Variants in FIGN observed in about 807,000 individuals in gnomAD.
FIGN encodes fidgetin.
Under a neutral mutation model 51.3 loss-of-function variants are expected in FIGN, and 11 were observed. That is an observed-to-expected ratio of 0.21 (90% CI 0.13 to 0.35). FIGN has a LOEUF of 0.35. FIGN is among the 10% of genes least tolerant of loss of function. The probability of loss-of-function intolerance (pLI) is 1.00; values close to 1 mark genes in which losing one functional copy is unlikely to be tolerated. For synonymous variants in FIGN, 407 were observed against 363.2 expected, an observed-to-expected ratio of 1.12 and a Z score of -1.37; for missense variants, 857 against 943.6, an observed-to-expected ratio of 0.91 and a Z score of 1.20.
chr2:163,673,012 G>A (rs191521219), intron 2 of FIGN, among the ~76,000 whole-genome samples: 1 of 152,244 alleles, frequency 6.6e-6, no homozygotes, highest in East Asian at 1.9e-4. Context: ...TAATGCCAGT[G>A]CATATCTCGT....
chr2:163,649,248 C>T (rs959655066), intron 2 of FIGN, among the ~76,000 whole-genome samples: 2 of 152,164 alleles, frequency 1.3e-5, no homozygotes, highest in Non-Finnish European at 2.9e-5. Flanking sequence ...CAAATGGCCT[C>T]CAATGAGCCA....
chr2:163,660,107 A>T (rs1437826559), intron 2 of FIGN, among the ~76,000 whole-genome samples: 1 of 151,910 alleles, frequency 6.6e-6, no homozygotes, highest in East Asian at 1.9e-4. Flanking sequence ...TCTCAAAAAA[A>T]TAAAAAAAAA....
chr2:163,728,583 C>T (rs1181179922), intron 2 of FIGN, among the ~76,000 whole-genome samples: 1 of 152,046 alleles, frequency 6.6e-6, no homozygotes, highest in East Asian at 1.9e-4. Context: ...GTTCATTTCC[C>T]ATCAGTTTTC....
chr2:163,658,305 G>T (rs1484314486), intron 2 of FIGN, among the ~76,000 whole-genome samples: 1 of 151,084 alleles, frequency 6.6e-6, no homozygotes, highest in Non-Finnish European at 1.5e-5. Flanking sequence ...TGGCCTCCGG[G>T]GCACATGGGC....
At chr2:163,671,777 C>T (rs773941425) in intron 2 of FIGN, among the ~76,000 whole-genome samples, 5 of 152,106 alleles carry the variant, frequency 3.3e-5, no homozygotes, top group Non-Finnish European at 5.9e-5. Flanking sequence ...GCTTCTGATT[C>T]ACATTAAAAA....
chr2:163,609,238 G>C lies in FIGN; in HGVS notation c.*314C>G, dbSNP rs546169730. Reference sequence around the variant, plus strand: ...ACTAAATCTCGAGAACAGCAGAATGGAATCAACACACGAGGTTCATGTCCT... The same window carrying C: ...ACTAAATCTCGAGAACAGCAGAATGCAATCAACACACGAGGTTCATGTCCT... On this transcript the variant is annotated 3_prime_UTR_variant, in exon 3 of 3. Transcript: ENST00000333129. 70 of 287,700 alleles carry C rather than the reference G, an allele frequency of 2.4e-4. No individual in the cohort carries two copies. The highest frequency in any genetic ancestry group is 2.1e-3 in the Middle Eastern group (2 of 964). 17.8% of individuals were successfully genotyped at this position (287,700 alleles called of 1,614,324 possible). A position where few individuals can be genotyped will look rare whatever the true frequency, so the allele number is the denominator to read the frequency against.
At chr2:163,644,241 GAC>G (rs1389520771) in intron 2 of FIGN, among the ~76,000 whole-genome samples, 1 of 152,040 alleles carries the variant, frequency 6.6e-6, no homozygotes, top group African/African-American at 2.4e-5. Flanking sequence ...ATTTTAAAAA[GAC>G]AAATACCCCA....
At chr2:163,704,570 T>TATTAAGGACAAAG (rs1276673004) in intron 2 of FIGN, among the ~76,000 whole-genome samples, 1 of 151,146 alleles carries the variant, frequency 6.6e-6, no homozygotes, top group African/African-American at 2.4e-5. Flanking sequence ...TAGTATCTTT[T>TATTAAGGACAAAG]TGCCTTAATA....
At chr2:163,696,526 G>A (rs1361434161) in intron 2 of FIGN, among the ~76,000 whole-genome samples, 1 of 152,146 alleles carries the variant, frequency 6.6e-6, no homozygotes, top group African/African-American at 2.4e-5. Flanking sequence ...TATTCTCAGA[G>A]CACTTTGTGG....
At chr2:163,654,501 A>G (rs1179254420) in intron 2 of FIGN, among the ~76,000 whole-genome samples, 1 of 152,018 alleles carries the variant, frequency 6.6e-6, no homozygotes. Context: ...GGTAGTTGGA[A>G]CTCTGATCCC....
chr2:163,710,729 C>A (rs1684575295), intron 2 of FIGN, among the ~76,000 whole-genome samples: 1 of 151,956 alleles, frequency 6.6e-6, no homozygotes, highest in Admixed American at 6.6e-5. Flanking sequence ...GATTTGGAGG[C>A]CTTCCTCATC....
intron 2 of FIGN, among the ~76,000 whole-genome samples, chr2:163,636,983 G>T (rs1683235029): frequency 6.6e-6 from 1 of 152,050 alleles, no homozygotes; most frequent in African/African-American, 2.4e-5. Context: ...AGAGGCTGAG[G>T]CATGAGAATT....
At chr2:163,713,121 C>T (rs1684613649) in intron 2 of FIGN, among the ~76,000 whole-genome samples, 4 of 152,164 alleles carry the variant, frequency 2.6e-5, no homozygotes, top group African/African-American at 9.7e-5. Context: ...AGTGATATTA[C>T]AGAAGTCATT....
intron 2 of FIGN, among the ~76,000 whole-genome samples, chr2:163,722,686 A>G (rs1161929439): frequency 6.6e-6 from 1 of 152,112 alleles, no homozygotes; most frequent in Non-Finnish European, 1.5e-5. Flanking sequence ...TCCTATCTAG[A>G]GATACAAAAA....
chr2:163,624,705 T>TAC (rs1339052207), intron 2 of FIGN, among the ~76,000 whole-genome samples: 1 of 134,136 alleles, frequency 7.5e-6, no homozygotes, highest in Non-Finnish European at 1.6e-5. Flanking sequence ...TATATATATA[T>TAC]ATATTTTTTT....
intron 2 of FIGN, among the ~76,000 whole-genome samples, chr2:163,641,883 G>A (rs1033552362): frequency 1.2e-4 from 18 of 152,174 alleles, no homozygotes; most frequent in African/African-American, 4.3e-4. Context: ...AAAGAAGTCT[G>A]AAGTCTTGCA....
At position 163,611,148 on chromosome 2, in the gene FIGN, C is replaced by A; in HGVS notation, c.684G>T (p.Pro228=). Residue 228 remains proline (P), a synonymous_variant, in exon 3 of 3, where the codon CCG becomes CCT. Transcript: ENST00000333129. ...GLLQPPPPPP[P]PPALVPGYNG... ...TGTAGCCTGGGACCAAGGCTGGTGGCGGAGGAGGTGGTGGTGGGGGCTGTA... is the reference window on the plus strand; with the variant it reads ...TGTAGCCTGGGACCAAGGCTGGTGGAGGAGGAGGTGGTGGTGGGGGCTGTA... 1 of 1,613,830 alleles carries A rather than the reference C, an allele frequency of 6.2e-7. No homozygotes were observed. Among genetic ancestry groups the A allele is most frequent in the Non-Finnish European group, 8.5e-7 (1 of 1,179,950 alleles).
chr2:163,606,546 C>T lies in FIGN; in HGVS notation c.*3006G>A, dbSNP rs1051398156. On this transcript the variant is annotated 3_prime_UTR_variant, in exon 3 of 3. Transcript: ENST00000333129. ...CAAAAAGAGGCCAAGGGTATGAAGC[C>T]CCATTACTCAGTTGTACTATCACCG... The T allele has an allele frequency of 3.3e-5, 5 of 152,104 alleles. No individual in the cohort carries two copies. Among genetic ancestry groups the T allele is most frequent in the African/African-American group, 1.2e-4 (5 of 41,426 alleles). 9.4% of individuals were successfully genotyped at this position (152,104 alleles called of 1,614,324 possible).
At position 163,659,956 on chromosome 2, in the gene FIGN, G is replaced by C. The variant is rs116272449; in HGVS notation, c.26-48150C>G. 6.2e-3 allele frequency among the ~76,000 whole-genome samples: 939 copies of C among 152,162 alleles called. 13 individuals are homozygous for C. Among genetic ancestry groups the C allele is most frequent in the African/African-American group, 0.021 (870 of 41,508 alleles). The stretch of plus-strand genomic sequence containing the variant: ...CATCTCTACTGAAATAAAAAAATTA[G>C]CTAGGCATGGTGGCACAAGCCTGTA... On this transcript the variant is annotated intron_variant, in intron 2 of 2. Transcript: ENST00000333129.
Sources: allele counts gnomAD v4.1 joint callset (sites outside exome capture counted in the v4.1 genomes callset), GRCh38; gene constraint gnomAD v4.1.1; transcripts MANE v1.5; gene names NCBI Gene and HGNC (gene_info 2026-07-23, HGNC 2026-07-21).